The following SLC35F1 variants were observed in gnomAD, a reference collection of about 807,000 sequenced individuals.
SLC35F1 encodes the protein solute carrier family 35 member F1, also known as chromosome 6 open reading frame 169.
A neutral mutation model predicts 48.7 loss-of-function variants in SLC35F1; 14 were observed. That is an observed-to-expected ratio of 0.29 (90% CI 0.19 to 0.45). SLC35F1 has a LOEUF of 0.45. Ranked by LOEUF, SLC35F1 falls within the 20% of genes least tolerant of loss-of-function variation. The pLI is 1.00. For missense variants in SLC35F1, 404 were observed against 500.0 expected, an observed-to-expected ratio of 0.81 and a Z score of 1.83; for synonymous variants, 190 against 202.2, an observed-to-expected ratio of 0.94 and a Z score of 0.51.
At chr6:117,933,096 A>G (rs879291326) in intron 1 of SLC35F1, among the ~76,000 whole-genome samples, 9 of 152,224 alleles carry the variant, frequency 5.9e-5, no homozygotes, top group Admixed American at 2.0e-4. Context: ...AATATGATGT[A>G]TATTGAAGTA....
chr6:118,310,595 G>T (rs1482255235), intron 7 of SLC35F1, among the ~76,000 whole-genome samples: 1 of 151,640 alleles, frequency 6.6e-6, no homozygotes, highest in Non-Finnish European at 1.5e-5. Context: ...ATGCTTGCTT[G>T]ACTGCTGTCT....
At chr6:117,912,652 A>G (rs1040915960) in intron 1 of SLC35F1, among the ~76,000 whole-genome samples, 2 of 127,056 alleles carry the variant, frequency 1.6e-5, no homozygotes, top group African/African-American at 4.9e-5. Context: ...GGGTGGTGTG[A>G]TTAAAAACAG....
At chr6:118,069,746 T>G (rs913669306) in intron 1 of SLC35F1, among the ~76,000 whole-genome samples, 1 of 152,220 alleles carries the variant, frequency 6.6e-6, no homozygotes, top group Non-Finnish European at 1.5e-5. Context: ...TTGCTCAGTG[T>G]TAAGAACGTA....
At chr6:117,987,757 C>A (rs1407242581) in intron 1 of SLC35F1, among the ~76,000 whole-genome samples, 2 of 152,108 alleles carry the variant, frequency 1.3e-5, no homozygotes, top group Non-Finnish European at 2.9e-5. Context: ...AAAGTGCTAT[C>A]CTCTCCCAGA....
intron 1 of SLC35F1, among the ~76,000 whole-genome samples, chr6:117,987,155 A>G (rs1366611039): frequency 3.3e-5 from 5 of 152,054 alleles, no homozygotes; most frequent in Admixed American, 3.3e-4. Flanking sequence ...TCAGGCAGCT[A>G]TATATGTGCA....
At chr6:118,057,631 T>G (rs1463442584) in intron 1 of SLC35F1, among the ~76,000 whole-genome samples, 1 of 152,202 alleles carries the variant, frequency 6.6e-6, no homozygotes, top group Non-Finnish European at 1.5e-5. Flanking sequence ...TAATGAGGTT[T>G]TGAAGTGCAG....
chr6:118,177,232 T>C (rs888507349), intron 2 of SLC35F1, among the ~76,000 whole-genome samples: 1 of 152,088 alleles, frequency 6.6e-6, no homozygotes, highest in Non-Finnish European at 1.5e-5. Flanking sequence ...ATCTCCTGAC[T>C]CTCTGATCTC....
At chr6:117,910,155 T>C (rs1483721112) in intron 1 of SLC35F1, among the ~76,000 whole-genome samples, 1 of 152,220 alleles carries the variant, frequency 6.6e-6, no homozygotes, top group Non-Finnish European at 1.5e-5. Flanking sequence ...AGCATGCTGA[T>C]GGGCTTGGCT....
chr6:118,239,794 C>T (rs954100914), intron 3 of SLC35F1, among the ~76,000 whole-genome samples: 2 of 152,038 alleles, frequency 1.3e-5, no homozygotes, highest in Non-Finnish European at 2.9e-5. Context: ...ATCAATTAGT[C>T]CTCACTGTAA....
At chr6:117,964,551 T>C (rs1414598470) in intron 1 of SLC35F1, among the ~76,000 whole-genome samples, 1 of 152,228 alleles carries the variant, frequency 6.6e-6, no homozygotes. Flanking sequence ...TGTAATTGAG[T>C]GAGGCCTAGG....
At chr6:117,908,942 G>A (rs1379541307) in intron 1 of SLC35F1, among the ~76,000 whole-genome samples, 4 of 152,176 alleles carry the variant, frequency 2.6e-5, no homozygotes, top group Non-Finnish European at 5.9e-5. Flanking sequence ...AACTGTCTGG[G>A]GCTCAAAGCT....
intron 1 of SLC35F1, among the ~76,000 whole-genome samples, chr6:118,138,371 A>G (rs2114436486): frequency 6.6e-6 from 1 of 152,182 alleles, no homozygotes; most frequent in Admixed American, 6.5e-5. Context: ...ACATAACTAA[A>G]TGCCTCAATA....
chr6:117,979,144 G>T (rs1179614088), intron 1 of SLC35F1, among the ~76,000 whole-genome samples: 1 of 152,234 alleles, frequency 6.6e-6, no homozygotes, highest in Non-Finnish European at 1.5e-5. Flanking sequence ...GGTCAGTTTA[G>T]ATGGAAAGCT....
At chr6:118,088,095 ATAGTTACTTTTAATG>A (rs1208356283) in intron 1 of SLC35F1, among the ~76,000 whole-genome samples, 2 of 152,248 alleles carry the variant, frequency 1.3e-5, no homozygotes, top group African/African-American at 4.8e-5. Context: ...AGTTACTTTA[ATAGTTACTTTTAATG>A]GTTACTTTAA....
chr6:118,087,743 T>C (rs913923764), intron 1 of SLC35F1, among the ~76,000 whole-genome samples: 21 of 152,326 alleles, frequency 1.4e-4, no homozygotes, highest in African/African-American at 5.1e-4. Flanking sequence ...CACCTACTGT[T>C]TTCCTGGTCT....
intron 1 of SLC35F1, among the ~76,000 whole-genome samples, chr6:117,937,292 G>A (rs1353970744): frequency 2.0e-5 from 3 of 152,196 alleles, no homozygotes; most frequent in African/African-American, 4.8e-5. Context: ...TAAGAATCAG[G>A]AAGGAAGGCA....
intron 1 of SLC35F1, among the ~76,000 whole-genome samples, chr6:118,085,075 A>T (rs756346833): frequency 1.4e-5 from 2 of 146,210 alleles, no homozygotes; most frequent in Non-Finnish European, 3.1e-5. Context: ...TGGGCCAAGC[A>T]GTTAGAACGG....
chr6:118,257,603 A>G (rs1215307585), intron 3 of SLC35F1, among the ~76,000 whole-genome samples: 1 of 152,198 alleles, frequency 6.6e-6, no homozygotes, highest in Non-Finnish European at 1.5e-5. Context: ...GAATCAAGCT[A>G]TTATTTTCTG....
intron 3 of SLC35F1, among the ~76,000 whole-genome samples, chr6:118,260,700 C>T (rs564379719): frequency 6.6e-6 from 1 of 152,244 alleles, no homozygotes; most frequent in Admixed American, 6.5e-5. Flanking sequence ...CACTCAAAAC[C>T]TGGGATTTGG....
Sources: gnomAD v4.1 joint callset for allele counts (sites outside exome capture counted in the v4.1 genomes callset) on GRCh38, gnomAD v4.1.1 for gene constraint, MANE v1.5 for transcripts, NCBI Gene and HGNC (gene_info 2026-07-23, HGNC 2026-07-21) for gene names.